Variants in NCK2 observed in about 807,000 individuals in gnomAD.
The protein encoded by NCK2 is NCK adaptor protein 2.
In NCK2, 16 loss-of-function variants were observed where a neutral mutation model predicts 33.9. The observed-to-expected ratio is 0.47, with a 90% CI of 0.32 to 0.72. NCK2 has a LOEUF of 0.72. Ranked by LOEUF, NCK2 falls within the 30% of genes least tolerant of loss-of-function variation. NCK2 has a pLI of 0.03. For synonymous variants in NCK2, 273 were observed against 239.9 expected, an observed-to-expected ratio of 1.14 and a Z score of -1.27; for missense variants, 418 against 537.3, an observed-to-expected ratio of 0.78 and a Z score of 2.19.
chr2:105,759,474 A>T (rs74593163), intron 1 of NCK2, among the ~76,000 whole-genome samples: 1 of 25,294 alleles, frequency 4.0e-5, no homozygotes, highest in Non-Finnish European at 8.6e-5. Context: ...TTATATAATA[A>T]AACATATGGT....
chr2:105,761,420 C>T (rs1444742566), intron 1 of NCK2, among the ~76,000 whole-genome samples: 2 of 152,184 alleles, frequency 1.3e-5, no homozygotes, highest in African/African-American at 4.8e-5. Context: ...CCTTCTCCCT[C>T]CTAGTGATGG....
intron 2 of NCK2, among the ~76,000 whole-genome samples, chr2:105,836,145 T>C (rs1676427124): frequency 6.9e-6 from 1 of 144,450 alleles, no homozygotes; most frequent in East Asian, 2.0e-4. Context: ...ATTAGAGAAT[T>C]ACTGTGTTTC....
At chr2:105,832,869 G>A (rs1017907932) in intron 2 of NCK2, among the ~76,000 whole-genome samples, 4 of 148,426 alleles carry the variant, frequency 2.7e-5, no homozygotes, top group Admixed American at 6.7e-5. Context: ...ATTTTGTTTC[G>A]TTTCGTTTTT....
chr2:105,782,659 G>A (rs1690538617), intron 1 of NCK2, among the ~76,000 whole-genome samples: 1 of 147,914 alleles, frequency 6.8e-6, no homozygotes, highest in South Asian at 2.1e-4. Flanking sequence ...AACGTCAAAT[G>A]ATAGAACCTG....
At chr2:105,866,175 A>G (rs1405360746) in intron 3 of NCK2, among the ~76,000 whole-genome samples, 1 of 152,174 alleles carries the variant, frequency 6.6e-6, no homozygotes, top group Admixed American at 6.5e-5. Context: ...TGGCCTCCCA[A>G]AGTGCCGGGA....
chr2:105,829,682 T>C (rs1036413922), intron 2 of NCK2, among the ~76,000 whole-genome samples: 1 of 152,186 alleles, frequency 6.6e-6, no homozygotes, highest in African/African-American at 2.4e-5. Flanking sequence ...AGGCAACATA[T>C]CCTACTCATC....
chr2:105,764,405 T>G (rs1276192657), intron 1 of NCK2, among the ~76,000 whole-genome samples: 2 of 152,186 alleles, frequency 1.3e-5, no homozygotes, highest in Non-Finnish European at 2.9e-5. Context: ...GCCACCCTCC[T>G]AGGACTGCAT....
intron 1 of NCK2, among the ~76,000 whole-genome samples, chr2:105,788,655 T>C (rs1214803158): frequency 6.6e-6 from 1 of 152,230 alleles, no homozygotes; most frequent in African/African-American, 2.4e-5. Context: ...CTTCCTCATC[T>C]CTAAGTGCCT....
At chr2:105,794,044 GA>G (rs1485363320) in intron 1 of NCK2, among the ~76,000 whole-genome samples, 50 of 135,670 alleles carry the variant, frequency 3.7e-4, no homozygotes, top group African/African-American at 1.2e-3. Context: ...TGTATCTTTC[GA>G]TTTTTTTTTT....
At chr2:105,830,695 G>GTGTGTGTGTGTGTATA (rs1553458074) in intron 2 of NCK2, among the ~76,000 whole-genome samples, 1 of 150,868 alleles carries the variant, frequency 6.6e-6, no homozygotes, top group African/African-American at 2.4e-5. Flanking sequence ...GTGTGTGTGT[G>GTGTGTGTGTGTGTATA]TGTGTGTGTG....
chr2:105,754,676 A>G (rs1689551330), intron 1 of NCK2, among the ~76,000 whole-genome samples: 1 of 149,126 alleles, frequency 6.7e-6, no homozygotes, highest in Non-Finnish European at 1.5e-5. Flanking sequence ...CTCCCCCAAC[A>G]ACTTTTTTTT....
chr2:105,806,104 G>T (rs895894197), intron 1 of NCK2, among the ~76,000 whole-genome samples: 3 of 151,878 alleles, frequency 2.0e-5, no homozygotes, highest in Non-Finnish European at 4.4e-5. Context: ...GCAGCATCAT[G>T]TTAGTGCTCA....
At chr2:105,871,790 C>T (rs1651350642) in intron 3 of NCK2, among the ~76,000 whole-genome samples, 1 of 152,118 alleles carries the variant, frequency 6.6e-6, no homozygotes, top group Admixed American at 6.5e-5. Context: ...CCACTGTGCC[C>T]GGCCTGGTTT....
At chr2:105,788,462 C>T (rs1274461213) in intron 1 of NCK2, among the ~76,000 whole-genome samples, 1 of 152,126 alleles carries the variant, frequency 6.6e-6, no homozygotes, top group African/African-American at 2.4e-5. Context: ...TCCAAATGAA[C>T]TTTTCTCATT....
At chr2:105,871,167 C>G (rs1421012795) in intron 3 of NCK2, among the ~76,000 whole-genome samples, 1 of 151,904 alleles carries the variant, frequency 6.6e-6, no homozygotes, top group South Asian at 2.1e-4. Flanking sequence ...AATGCCTGCT[C>G]CATGCCCAGA....
chr2:105,757,951 G>A (rs1689645593), intron 1 of NCK2, among the ~76,000 whole-genome samples: 1 of 151,938 alleles, frequency 6.6e-6, no homozygotes, highest in Non-Finnish European at 1.5e-5. Context: ...CACAGCTGGG[G>A]TGAAGCACCT....
intron 1 of NCK2, among the ~76,000 whole-genome samples, chr2:105,752,551 A>G (rs1045063432): frequency 1.3e-5 from 2 of 152,216 alleles, no homozygotes; most frequent in African/African-American, 4.8e-5. Flanking sequence ...GTAAAAAACA[A>G]CATTGTATAC....
intron 3 of NCK2, among the ~76,000 whole-genome samples, chr2:105,876,212 T>C (rs1233484740): frequency 1.3e-5 from 2 of 152,244 alleles, no homozygotes; most frequent in Non-Finnish European, 2.9e-5. Context: ...AGGTAAATTC[T>C]GTGCAGTAGG....
At chr2:105,861,031 T>C (rs1042258733) in intron 3 of NCK2, among the ~76,000 whole-genome samples, 1 of 151,924 alleles carries the variant, frequency 6.6e-6, no homozygotes, top group Admixed American at 6.6e-5. Context: ...AAACCTGGTG[T>C]GGAAACCCTC....
Sources: gnomAD v4.1 joint callset for allele counts (sites outside exome capture counted in the v4.1 genomes callset) on GRCh38, gnomAD v4.1.1 for gene constraint, MANE v1.5 for transcripts, NCBI Gene and HGNC (gene_info 2026-07-23, HGNC 2026-07-21) for gene names.